Variants in LIN54 observed in about 807,000 individuals in gnomAD.
The protein encoded by LIN54 is lin-54 DREAM MuvB core complex component, also known as protein lin-54 homolog.
LIN54 carries 9 observed loss-of-function variants against 78.7 expected under a neutral mutation model. The ratio of observed to expected loss-of-function variants is 0.11; its 90% CI spans 0.07 to 0.20. The LOEUF (loss-of-function observed/expected upper bound fraction) is 0.20, where lower values mean the gene tolerates loss of function less well. Ranked by LOEUF, LIN54 falls within the 10% of genes least tolerant of loss-of-function variation. The pLI is 1.00. For missense variants in LIN54, 573 were observed against 889.9 expected (o/e 0.64, Z 4.53); for synonymous variants, 269 against 318.4 (o/e 0.84, Z 1.65).
chr4:82,941,294 A>C (rs1168884923), intron 5 of LIN54, among the ~76,000 whole-genome samples: 6 of 151,866 alleles, frequency 4.0e-5, no homozygotes, highest in African/African-American at 1.5e-4. Flanking sequence ...ATTTCACACA[A>C]AGACGGAAGC....
At chr4:82,935,858 C>A (rs1208925749) in intron 11 of LIN54, 123 bp downstream of exon 11, 7 of 952,300 alleles carry the variant, frequency 7.4e-6, no homozygotes, top group Non-Finnish European at 1.2e-5. Flanking sequence ...GCCTTTGCAC[C>A]AACTGTGCAT....
At chr4:82,941,159 T>TAG in intron 5 of LIN54, among the ~76,000 whole-genome samples, 1 of 148,450 alleles carries the variant, frequency 6.7e-6, no homozygotes, top group African/African-American at 2.5e-5. Flanking sequence ...GATATATATA[T>TAG]ATATATATAT....
intron 11 of LIN54, among the ~76,000 whole-genome samples, chr4:82,931,815 T>C (rs906749929): frequency 2.0e-5 from 3 of 152,218 alleles, no homozygotes; most frequent in South Asian, 4.1e-4. Context: ...TCTGCTTTTC[T>C]GCATCTTGCT....
chr4:82,973,344 T>C (rs529290282), intron 3 of LIN54, among the ~76,000 whole-genome samples: 1 of 152,348 alleles, frequency 6.6e-6, no homozygotes, highest in Non-Finnish European at 1.5e-5. Context: ...AGAACCTTGA[T>C]ATCCTTTGAA....
At chr4:82,932,195 C>G (rs1223909308) in intron 11 of LIN54, among the ~76,000 whole-genome samples, 1 of 149,944 alleles carries the variant, frequency 6.7e-6, no homozygotes, top group Admixed American at 6.7e-5. Flanking sequence ...CCCAGGTTCA[C>G]GCCATTCTCT....
Position 82,946,418 on chromosome 4 carries a change from A to G in LIN54, c.1008T>C (p.Phe336=), listed in dbSNP as rs374281315. ...ITVGGVSTSQ[F]KTIIPLATAP... ...CAGTTGCCAGAGGAATAATTGTCTTAAACTGTGATGTGCTCACTCCTCCAA... is the reference window on the plus strand; with the variant it reads ...CAGTTGCCAGAGGAATAATTGTCTTGAACTGTGATGTGCTCACTCCTCCAA... Residue 336 remains phenylalanine, a synonymous_variant, in exon 5 of 13, where the codon TTT becomes TTC. Transcript: ENST00000340417. 42 of 1,614,052 alleles carry G rather than the reference A, an allele frequency of 2.6e-5. No homozygotes were observed. Among genetic ancestry groups the G allele is most frequent in the Non-Finnish European group, 3.6e-5 (42 of 1,180,006 alleles).
rs190611435 is a variant in LIN54 at position 82,945,533 on chromosome 4, G to A, written c.1168+725C>T. Among the ~76,000 whole-genome samples, 3 of 151,256 alleles carry A rather than the reference G, an allele frequency of 2.0e-5. No individual in the cohort carries two copies. In the East Asian group the frequency reaches 5.8e-4, roughly 29 times the overall value. On this transcript the variant is annotated intron_variant, in intron 5 of 12. Transcript: ENST00000340417. ...TTTTGAGATGGAATCTCGCTCTGTC[G>A]CCCAGGCTGGTGTGCAGTGGCATGA...
In LIN54 at chr4:82,937,363, C is replaced by T. The variant is rs922118537; in HGVS notation, c.1533-65G>A. The T allele has an allele frequency of 9.0e-6, 9 of 996,942 alleles. No individual in the cohort carries two copies. In the African/African-American group the frequency reaches 1.5e-4, roughly 17 times the overall value. 61.8% of individuals were successfully genotyped at this position (996,942 alleles called of 1,614,324 possible). ...ATAGTAACTAAAATTAATTTAGTTG[C>T]TACAACTAATTTAAAATTTAAAAAA... On this transcript the variant is annotated intron_variant, in intron 8 of 12. Coordinates refer to ENST00000340417, the MANE Select transcript of LIN54 (RefSeq NM_194282.4).
upstream of LIN54, chr4:83,010,864 C>G (rs1729816670): frequency 8.2e-7 from 1 of 1,212,596 alleles, no homozygotes; most frequent in Admixed American, 4.3e-5. Context: ...GCCCGCCCCA[C>G]CCGGGAGGCG....
intron 1 of LIN54, among the ~76,000 whole-genome samples, chr4:83,000,176 G>A (rs1027468040): frequency 2.6e-5 from 4 of 152,156 alleles, no homozygotes; most frequent in Admixed American, 6.5e-5. Flanking sequence ...TTACAGGTAT[G>A]AGCCACCATG....
intron 1 of LIN54, among the ~76,000 whole-genome samples, chr4:83,007,915 C>T (rs978601919): frequency 7.9e-5 from 12 of 151,872 alleles, no homozygotes; most frequent in African/African-American, 2.9e-4. Flanking sequence ...TATCAAACAC[C>T]AGGGCTTACA....
chr4:83,010,963 A>G (rs1578685926), upstream of LIN54: 1 of 672,220 alleles, frequency 1.5e-6, no homozygotes, highest in East Asian at 4.0e-5. Context: ...CTACGCCGAG[A>G]CCTTTCACCC....
intron 12 of LIN54, among the ~76,000 whole-genome samples, chr4:82,929,142 T>C (rs1170495345): frequency 1.3e-5 from 2 of 152,220 alleles, no homozygotes; most frequent in African/African-American, 4.8e-5. Context: ...TGCAGCTGTA[T>C]AGGAATCTTT....
intron 2 of LIN54, among the ~76,000 whole-genome samples, chr4:82,981,918 C>A (rs567769631): frequency 3.9e-5 from 6 of 152,152 alleles, no homozygotes; most frequent in African/African-American, 1.4e-4. Flanking sequence ...TCTGTAGTCC[C>A]AGCTACTTGG....
intron 1 of LIN54, chr4:83,003,505 G>A (rs923664422): frequency 6.6e-6 from 1 of 152,042 alleles, no homozygotes. Flanking sequence ...TTTGTGAAGT[G>A]TTCCATGAAA....
chr4:82,937,798 CAAAT>C (rs979572737), intron 8 of LIN54, among the ~76,000 whole-genome samples: 3 of 151,966 alleles, frequency 2.0e-5, no homozygotes, highest in African/African-American at 7.3e-5. Flanking sequence ...AATAGATAAA[CAAAT>C]AAACATCAAC....
chr4:82,960,841 G>A (rs1178876236), intron 4 of LIN54, among the ~76,000 whole-genome samples: 3 of 151,974 alleles, frequency 2.0e-5, no homozygotes, highest in African/African-American at 4.8e-5. Context: ...CAGGTAGGTC[G>A]CTTGAACCCA....
intron 3 of LIN54, among the ~76,000 whole-genome samples, chr4:82,972,479 G>C (rs1363201221): frequency 6.6e-6 from 1 of 152,132 alleles, no homozygotes; most frequent in African/African-American, 2.4e-5. Flanking sequence ...AATAGGTTTA[G>C]AGAGCCGCCC....
In LIN54 at chr4:82,927,048, G is replaced by A. The variant is rs531108671; in HGVS notation, c.*1054C>T. The A allele has an allele frequency of 4.6e-5, 7 of 152,624 alleles. No homozygotes were observed. Among genetic ancestry groups the A allele is most frequent in the African/African-American group, 1.7e-4 (7 of 41,502 alleles). The allele number at this position is 152,624 out of a possible 1,614,324, so 9.5% of individuals were successfully genotyped here. On this transcript the variant is annotated 3_prime_UTR_variant, in exon 13 of 13. Coordinates refer to ENST00000340417, the MANE Select transcript of LIN54 (RefSeq NM_194282.4). ...TGTAGTCCCAGCTACACGGGAGGCT[G>A]AGGCAGGAGAATCGCTTGAACCTGG...
Sources: allele counts gnomAD v4.1 joint callset (sites outside exome capture counted in the v4.1 genomes callset), GRCh38; gene constraint gnomAD v4.1.1; transcripts MANE v1.5; gene names NCBI Gene and HGNC (gene_info 2026-07-23, HGNC 2026-07-21).